SLCO3A1: variants seen among roughly 807,000 people sequenced by gnomAD.
SLCO3A1 encodes solute carrier organic anion transporter family member 3A1.
A neutral mutation model predicts 63.1 loss-of-function variants in SLCO3A1; 27 were observed. That is an observed-to-expected ratio of 0.43 (90% CI 0.32 to 0.59). The LOEUF is 0.59. Among genes scored for constraint, SLCO3A1 ranks in the 20% least tolerant of loss-of-function variants. The pLI is 0.09. For synonymous variants in SLCO3A1, 473 were observed against 409.9 expected (o/e 1.15, Z -1.86); for missense variants, 773 against 945.8 (o/e 0.82, Z 2.40).
intron 1 of SLCO3A1, among the ~76,000 whole-genome samples, chr15:91,898,153 C>T (rs933794510): frequency 1.3e-5 from 2 of 152,136 alleles, no homozygotes; most frequent in Non-Finnish European, 2.9e-5. Context: ...TGCCTAAGAA[C>T]AGAGCCGTGT....
intron 7 of SLCO3A1, among the ~76,000 whole-genome samples, chr15:92,129,170 C>T (rs1238021596): frequency 6.6e-6 from 1 of 152,154 alleles, no homozygotes; most frequent in South Asian, 2.1e-4. Flanking sequence ...CTTGCTTGGA[C>T]CCGAGCAGTA....
chr15:91,972,557 T>A (rs776386486), intron 2 of SLCO3A1, among the ~76,000 whole-genome samples: 19 of 152,170 alleles, frequency 1.2e-4, no homozygotes, highest in Admixed American at 5.9e-4. Flanking sequence ...GAAGTAAATT[T>A]CTGTTGTTTA....
At chr15:91,976,617 C>T (rs978543535) in intron 2 of SLCO3A1, among the ~76,000 whole-genome samples, 73 of 152,146 alleles carry the variant, frequency 4.8e-4, no homozygotes, top group African/African-American at 1.7e-3. Context: ...GAATCTGCCC[C>T]GATATTCACG....
intron 7 of SLCO3A1, among the ~76,000 whole-genome samples, chr15:92,130,689 CGTG>C (rs1567135662): frequency 6.6e-6 from 1 of 152,106 alleles, no homozygotes; most frequent in Non-Finnish European, 1.5e-5. Flanking sequence ...GTGTGTCACT[CGTG>C]ACCCATGGCA....
intron 2 of SLCO3A1, among the ~76,000 whole-genome samples, chr15:91,974,265 G>GTTGTTGTTGTTGTTGTTATTATTA (rs147991710): frequency 7.0e-6 from 1 of 142,958 alleles, no homozygotes; most frequent in East Asian, 2.0e-4. Flanking sequence ...TTTCATTATT[G>GTTGTTGTTGTTGTTGTTATTATTA]TTATTATTAT....
chr15:91,910,668 C>T (rs947312722), intron 1 of SLCO3A1, among the ~76,000 whole-genome samples: 9 of 152,242 alleles, frequency 5.9e-5, no homozygotes, highest in Admixed American at 2.0e-4. Context: ...ACTCGAGGCT[C>T]TCCTGCTCCA....
chr15:91,924,688 G>T (rs554341206), intron 2 of SLCO3A1, among the ~76,000 whole-genome samples: 2 of 152,268 alleles, frequency 1.3e-5, no homozygotes, highest in African/African-American at 4.8e-5. Context: ...CAGGAGTGAG[G>T]GTAACACCAC....
intron 4 of SLCO3A1, among the ~76,000 whole-genome samples, chr15:92,114,243 T>C (rs933572429): frequency 6.6e-6 from 1 of 152,192 alleles, no homozygotes; most frequent in South Asian, 2.1e-4. Flanking sequence ...GTTCATAAGT[T>C]TTTTTCTGTT....
chr15:92,023,784 TAAAC>T (rs1321943184), intron 2 of SLCO3A1, among the ~76,000 whole-genome samples: 1 of 152,186 alleles, frequency 6.6e-6, no homozygotes, highest in Non-Finnish European at 1.5e-5. Flanking sequence ...TGATTTTTCA[TAAAC>T]AAACTTAACT....
intron 2 of SLCO3A1, among the ~76,000 whole-genome samples, chr15:92,086,634 G>A (rs965808671): frequency 3.9e-5 from 6 of 152,142 alleles, no homozygotes; most frequent in Non-Finnish European, 7.3e-5. Context: ...TAATTGTAAT[G>A]TAGTCCAGTC....
intron 1 of SLCO3A1, among the ~76,000 whole-genome samples, chr15:91,864,438 T>C (rs1368462461): frequency 6.6e-6 from 1 of 151,914 alleles, no homozygotes; most frequent in Non-Finnish European, 1.5e-5. Context: ...AATATTGTTT[T>C]GGTGAATACT....
intron 9 of SLCO3A1, among the ~76,000 whole-genome samples, chr15:92,151,415 A>G (rs1282095178): frequency 6.6e-6 from 1 of 152,188 alleles, no homozygotes; most frequent in African/African-American, 2.4e-5. Flanking sequence ...GAAAATGGAA[A>G]CTTTGCATCC....
rs2048468437 is a variant in SLCO3A1, at chr15:92,163,629, C to T, written c.*494C>T. 1.0e-6 allele frequency: 1 copy of T among 985,216 alleles called. No individual in the cohort carries two copies. Among genetic ancestry groups the T allele is most frequent in the South Asian group, 4.7e-5 (1 of 21,278 alleles). 61.0% of individuals were successfully genotyped at this position (985,216 alleles called of 1,614,324 possible). Reference sequence around the variant, plus strand: ...GTGACACACCCCGTGCCACCCTCTTCCTCCAGGTGGGGGTGGGGGCGGGCG... The same window carrying T: ...GTGACACACCCCGTGCCACCCTCTTTCTCCAGGTGGGGGTGGGGGCGGGCG... On this transcript the variant is annotated 3_prime_UTR_variant, in exon 10 of 10. Transcript: ENST00000318445.
chr15:92,084,294 G>T (rs147592608), intron 2 of SLCO3A1, among the ~76,000 whole-genome samples: 6 of 152,242 alleles, frequency 3.9e-5, no homozygotes, highest in African/African-American at 1.2e-4. Context: ...AGAGGCACCA[G>T]TAAGAAGAAC....
rs1376859264 is a variant in SLCO3A1 at position 92,164,190 on chromosome 15, T to C, written c.*1055T>C. 5 of 985,226 alleles carry C rather than the reference T, an allele frequency of 5.1e-6. No homozygotes were observed. The highest frequency in any genetic ancestry group is 5.2e-4 in the Middle Eastern group (1 of 1,936). The allele number at this position is 985,226 out of a possible 1,614,324, so 61.0% of individuals were successfully genotyped here. On this transcript the variant is annotated 3_prime_UTR_variant, in exon 10 of 10. Coordinates refer to ENST00000318445, the MANE Select transcript of SLCO3A1 (RefSeq NM_013272.4). Reference sequence around the variant, plus strand: ...TTATGCTGGTTGCTTTTACTTTTTTTCTCCTTTTTTAATGCACCAAAAATA... The same window carrying C: ...TTATGCTGGTTGCTTTTACTTTTTTCCTCCTTTTTTAATGCACCAAAAATA...
chr15:92,168,761 C>G (rs1336641108), downstream of SLCO3A1, among the ~76,000 whole-genome samples: 1 of 152,182 alleles, frequency 6.6e-6, no homozygotes, highest in Non-Finnish European at 1.5e-5. Flanking sequence ...AAAGTAAGTA[C>G]CCCTTTGCTC....
At chr15:92,170,631 G>A (rs367863209), downstream of SLCO3A1, among the ~76,000 whole-genome samples, 12 of 152,302 alleles carry the variant, frequency 7.9e-5, no homozygotes, top group South Asian at 4.1e-4. Flanking sequence ...CCAACAGAGC[G>A]TCTACCTGTG....
intron 2 of SLCO3A1, among the ~76,000 whole-genome samples, chr15:91,969,238 T>C (rs1472036112): frequency 6.6e-6 from 1 of 152,194 alleles, no homozygotes; most frequent in Non-Finnish European, 1.5e-5. Context: ...AATATCTGAC[T>C]ACTACATGTG....
At chr15:92,045,839 A>G (rs995481201) in intron 2 of SLCO3A1, among the ~76,000 whole-genome samples, 1 of 152,146 alleles carries the variant, frequency 6.6e-6, no homozygotes, top group African/African-American at 2.4e-5. Context: ...GATAGTATCA[A>G]TATCTCCAGT....
Sources: allele counts gnomAD v4.1 joint callset (sites outside exome capture counted in the v4.1 genomes callset), GRCh38; gene constraint gnomAD v4.1.1; transcripts MANE v1.5; gene names NCBI Gene and HGNC (gene_info 2026-07-23, HGNC 2026-07-21).